The following NHSL2 variants were observed in gnomAD, a reference collection of about 807,000 sequenced individuals.
NHSL2 encodes the protein NHS like 2.
In NHSL2, 27 loss-of-function variants were observed where a neutral mutation model predicts 53.4. That is an observed-to-expected ratio of 0.51 (90% CI 0.37 to 0.70). NHSL2 has a LOEUF of 0.70. Among genes scored for constraint, NHSL2 ranks in the 30% least tolerant of loss-of-function variants. The probability of loss-of-function intolerance (pLI) is 0.00; values close to 1 mark genes in which losing one functional copy is unlikely to be tolerated. For missense variants in NHSL2, 892 were observed against 980.1 expected (o/e 0.91, Z 1.20); for synonymous variants, 408 against 404.1 (o/e 1.01, Z -0.12).
chrX:71,991,193 C>T (rs1385377750), intron 1 of NHSL2, among the ~76,000 whole-genome samples: 1 of 112,740 alleles, frequency 8.9e-6, no homozygotes, highest in Non-Finnish European at 1.9e-5. Flanking sequence ...TTGGTTGGCA[C>T]ATTAACGTGA....
At chrX:72,122,653 G>A (rs1362405339) in intron 1 of NHSL2, among the ~76,000 whole-genome samples, 1 of 111,973 alleles carries the variant, frequency 8.9e-6, no homozygotes, top group Non-Finnish European at 1.9e-5. Context: ...GCCCAGTGGA[G>A]GTCACTCTTT....
At chrX:72,135,983 C>T (rs2042352770) in intron 4 of NHSL2, among the ~76,000 whole-genome samples, 1 of 111,470 alleles carries the variant, frequency 9.0e-6, no homozygotes, top group Admixed American at 9.5e-5. Flanking sequence ...TTGCAGTGAG[C>T]CGAGATCACA....
chrX:72,073,194 G>A (rs2041714433), intron 1 of NHSL2, among the ~76,000 whole-genome samples: 1 of 111,931 alleles, frequency 8.9e-6, no homozygotes, highest in South Asian at 3.7e-4. Context: ...CTGTGGAGGA[G>A]CAGCCAGGCT....
chrX:71,927,072 C>T (rs1213488844), intron 1 of NHSL2, among the ~76,000 whole-genome samples: 1 of 111,959 alleles, frequency 8.9e-6, no homozygotes, highest in Admixed American at 9.5e-5. Context: ...TATTTGTCCT[C>T]TTGACAGTAC....
chrX:71,959,002 C>T (rs190625083), intron 1 of NHSL2, among the ~76,000 whole-genome samples: 37 of 111,815 alleles, frequency 3.3e-4, no homozygotes, highest in Non-Finnish European at 5.5e-4. Context: ...TAGTTGCAAA[C>T]GATCCAGGGA....
chrX:72,077,215 C>CTAGCTT (rs1238890676), intron 1 of NHSL2, among the ~76,000 whole-genome samples: 2 of 110,641 alleles, frequency 1.8e-5, no homozygotes, highest in Non-Finnish European at 3.8e-5. Flanking sequence ...TTGGGGGTTT[C>CTAGCTT]TAGCTTCCCA....
At position 72,132,209 on chromosome X, in the gene NHSL2, G is replaced by A; in HGVS notation, c.411G>A (p.Gln137=). The change falls in exon 2 of 8, where the codon CAG becomes CAA. Residue 137 remains glutamine (Q), a synonymous_variant. Transcript: ENST00000633930. ...TAGAGGAGCTGCTTCGGGAGGCGCA[G>A]CTCAATCTCCAGAGCCTGTTGCAAG... is the stretch of plus-strand genomic sequence containing the variant. ...PSVEELLREA[Q]LNLQSLLQEE... The A allele has an allele frequency of 8.6e-7, 1 of 1,164,396 alleles. No homozygotes were observed.
At chrX:72,086,026 T>G (rs1424893163) in intron 1 of NHSL2, among the ~76,000 whole-genome samples, 1 of 111,950 alleles carries the variant, frequency 8.9e-6, no homozygotes, top group Admixed American at 9.4e-5. Flanking sequence ...GGCCTCCTTG[T>G]GGTCTGCCTG....
At chrX:72,093,721 G>GCTTGCTTGCTTGCTTT (rs1216358306) in intron 1 of NHSL2, among the ~76,000 whole-genome samples, 63 of 95,337 alleles carry the variant, frequency 6.6e-4, no homozygotes, top group Non-Finnish European at 1.0e-3. Flanking sequence ...TAGCTTGCTT[G>GCTTGCTTGCTTGCTTT]CTTTCTTTCT....
At position 72,139,662 on chromosome X, in the gene NHSL2, C is replaced by G. The variant is rs1345965717; in HGVS notation, c.2114C>G (p.Pro705Arg). The change falls in exon 6 of 8, where the codon CCC becomes CGC. Residue 705 changes from proline (P) to arginine (R), a missense_variant. Pro to Arg is a moderately radical substitution (Grantham distance 103, BLOSUM62 -2). Coordinates refer to ENST00000633930, the MANE Select transcript of NHSL2 (RefSeq NM_001013627.3). The stretch of plus-strand genomic sequence containing the variant: ...AGGGAGATATCATCCCCGGGAAGGC[C>G]CCCTGGACTGATGTCACCCTCCAGT... ...EAREISSPGR[P>R]PGLMSPSSGY... 2 of 1,211,145 alleles carry G rather than the reference C, an allele frequency of 1.7e-6. No homozygotes were observed. Among genetic ancestry groups the G allele is most frequent in the South Asian group, 3.5e-5 (2 of 56,933 alleles).
chrX:72,081,625 G>C (rs1305756083), intron 1 of NHSL2, among the ~76,000 whole-genome samples: 1 of 111,808 alleles, frequency 8.9e-6, no homozygotes, highest in Non-Finnish European at 1.9e-5. Context: ...CCACTCTGCA[G>C]CATGAGCGAG....
intron 1 of NHSL2, among the ~76,000 whole-genome samples, chrX:72,098,658 T>C (rs776747361): frequency 5.0e-4 from 56 of 111,215 alleles, no homozygotes; most frequent in African/African-American, 1.7e-3. Flanking sequence ...AAGCTATGAA[T>C]TGAATAATAG....
At chrX:71,923,122 A>G (rs987125373) in intron 1 of NHSL2, among the ~76,000 whole-genome samples, 1 of 111,272 alleles carries the variant, frequency 9.0e-6, no homozygotes, top group African/African-American at 3.3e-5. Context: ...CCTATTAAAT[A>G]TTTATTTCAC....
Position 72,151,283 on chromosome X carries a change from C to T in NHSL2, c.*7709C>T, listed in dbSNP as rs757743213. On this transcript the variant is annotated 3_prime_UTR_variant, in exon 8 of 8. Coordinates refer to ENST00000633930, the MANE Select transcript of NHSL2 (RefSeq NM_001013627.3). Reference sequence around the variant, plus strand: ...TTGTGATCCGCCCACCTCGGCCTCCCAAAGTGCTGGGATTACAGGTGTGAG... The same window carrying T: ...TTGTGATCCGCCCACCTCGGCCTCCTAAAGTGCTGGGATTACAGGTGTGAG... 9.0e-6 allele frequency: 1 copy of T among 110,993 alleles called. No homozygotes were observed. The highest frequency in any genetic ancestry group is 3.9e-4 in the South Asian group (1 of 2,570). 9.1% of individuals were successfully genotyped at this position (110,993 alleles called of 1,213,427 possible). A position where few individuals can be genotyped will look rare whatever the true frequency, so the allele number is the denominator to read the frequency against.
At position 72,134,704 on chromosome X, in the gene NHSL2, G is replaced by A; in HGVS notation, c.760G>A (p.Gly254Arg). ...QSDIVPINIS[G>R]QQFDKHASLR... is the part of the protein sequence containing the mutation. Reference sequence around the variant, plus strand: ...TGACATTGTGCCCATCAACATCTCTGGTAGAGTTGCTTAGCACCGCCTTTG... The same window carrying A: ...TGACATTGTGCCCATCAACATCTCTAGTAGAGTTGCTTAGCACCGCCTTTG... Residue 254 changes from glycine to arginine, a missense_variant and splice_region_variant, in exon 4 of 8, where the codon GGG (glycine) becomes AGG (arginine). By Grantham distance (125) the Gly-to-Arg change is moderately radical. Transcript: ENST00000633930. The A allele has an allele frequency of 4.3e-6, 5 of 1,154,045 alleles. No homozygotes were observed. In the Middle Eastern group the frequency reaches 9.4e-4, roughly 216 times the overall value.
rs1163681230 is a variant in NHSL2, at chrX:71,910,923, C to T, written c.-165C>T. The T allele has an allele frequency of 6.9e-5, 21 of 302,555 alleles. No homozygotes were observed. The highest frequency in any genetic ancestry group is 2.0e-4 in the Admixed American group (3 of 14,707). 24.9% of individuals were successfully genotyped at this position (302,555 alleles called of 1,213,427 possible). A position where few individuals can be genotyped will look rare whatever the true frequency, so the allele number is the denominator to read the frequency against. On this transcript the variant is annotated 5_prime_UTR_variant, in exon 1 of 8. Transcript: ENST00000633930. ...GGCGAGGAACCCGTCAGCCCGCCTA[C>T]CCGCCCGTCGTCTTTGGCGCCCGCA...
intron 1 of NHSL2, among the ~76,000 whole-genome samples, chrX:71,938,658 G>A (rs2041750847): frequency 8.9e-6 from 1 of 112,732 alleles, no homozygotes; most frequent in Admixed American, 9.4e-5. Flanking sequence ...GACATAGCTC[G>A]ACTCTGGTTC....
At chrX:71,963,114 T>G (rs2041875775) in intron 1 of NHSL2, among the ~76,000 whole-genome samples, 1 of 111,041 alleles carries the variant, frequency 9.0e-6, no homozygotes, top group African/African-American at 3.3e-5. Context: ...GTTACTTCCT[T>G]CCTTCTGCTA....
chrX:72,048,108 TAATAAA>T (rs2147926620), intron 1 of NHSL2, among the ~76,000 whole-genome samples: 1 of 99,832 alleles, frequency 1.0e-5, no homozygotes, highest in African/African-American at 3.6e-5. Context: ...ATAATAATAA[TAATAAA>T]GCAACATTTT....
Sources: gnomAD v4.1 joint callset for allele counts (sites outside exome capture counted in the v4.1 genomes callset) on GRCh38, gnomAD v4.1.1 for gene constraint, MANE v1.5 for transcripts, NCBI Gene and HGNC (gene_info 2026-07-23, HGNC 2026-07-21) for gene names.